Variants in CFDP1 observed in about 807,000 individuals in gnomAD.
CFDP1 encodes the protein heterochromatin-stabilizing protein CFDP1.
A neutral mutation model predicts 40.1 loss-of-function variants in CFDP1; 31 were observed. That is an observed-to-expected ratio of 0.77 (90% CI 0.58 to 1.04). CFDP1 has a LOEUF of 1.04. Among genes scored for constraint, CFDP1 ranks in the 50% least tolerant of loss-of-function variants. CFDP1 has a pLI of 0.00. For missense variants in CFDP1, 423 were observed against 343.4 expected, an observed-to-expected ratio of 1.23 and a Z score of -1.83; for synonymous variants, 167 against 120.0, an observed-to-expected ratio of 1.39 and a Z score of -2.56.
At chr16:75,349,666 A>T (rs1011078022) in intron 5 of CFDP1, among the ~76,000 whole-genome samples, 26 of 13,680 alleles carry the variant, frequency 1.9e-3, no homozygotes, top group East Asian at 4.7e-3. Context: ...AAAAAAAAAA[A>T]AAAAAAAAAA....
At chr16:75,343,072 A>T (rs748426197) in intron 5 of CFDP1, among the ~76,000 whole-genome samples, 3 of 152,126 alleles carry the variant, frequency 2.0e-5, no homozygotes, top group Non-Finnish European at 2.9e-5. Flanking sequence ...AACTAGATTT[A>T]AGGTCAGGAC....
At chr16:75,429,631 C>G (rs572708496) in intron 1 of CFDP1, among the ~76,000 whole-genome samples, 2 of 152,080 alleles carry the variant, frequency 1.3e-5, no homozygotes, top group Non-Finnish European at 2.9e-5. Flanking sequence ...CCAGCCTGGG[C>G]GACAAGAGCA....
intron 5 of CFDP1, among the ~76,000 whole-genome samples, chr16:75,317,476 A>C (rs375624139): frequency 6.6e-6 from 1 of 152,310 alleles, no homozygotes; most frequent in Non-Finnish European, 1.5e-5. Context: ...CCAAGGAGGA[A>C]ATGTTGAGTG....
chr16:75,423,863 C>G lies in CFDP1; in HGVS notation c.65-9168G>C, dbSNP rs367793691. 1.3e-4 allele frequency among the ~76,000 whole-genome samples: 20 copies of G among 152,224 alleles called. 3 individuals carry two copies. The highest frequency in any genetic ancestry group is 6.5e-4 in the Admixed American group (10 of 15,272). On this transcript the variant is annotated intron_variant, in intron 1 of 6. Transcript: ENST00000283882. ...TACAGGCGTGAGCAACTGCACCCAG[C>G]CTTTTTCCAAATATTTTCTATCTGC...
At chr16:75,415,986 G>T (rs958181623) in intron 1 of CFDP1, among the ~76,000 whole-genome samples, 3 of 152,066 alleles carry the variant, frequency 2.0e-5, no homozygotes, top group Non-Finnish European at 2.9e-5. Context: ...CTGAGTAGCT[G>T]ACATTACAGA....
intron 3 of CFDP1, among the ~76,000 whole-genome samples, 183 bp downstream of exon 3, chr16:75,412,352 G>A (rs2151585963): frequency 6.6e-6 from 1 of 152,290 alleles, no homozygotes; most frequent in Non-Finnish European, 1.5e-5. Context: ...TCTCTAACCA[G>A]TTAAAGGCCT....
At chr16:75,310,170 G>C (rs904968220) in intron 5 of CFDP1, among the ~76,000 whole-genome samples, 1 of 152,166 alleles carries the variant, frequency 6.6e-6, no homozygotes, top group African/African-American at 2.4e-5. Flanking sequence ...CCATAAATTT[G>C]ATGTAAAGAC....
rs867155661 is a variant in CFDP1, at chr16:75,302,933, C to T, written c.809+2091G>A. The stretch of plus-strand genomic sequence containing the variant: ...TTTTAGGGCTGGGCGTGGTGGCTCA[C>T]ACCTGTAATCCCAGAACTTTGGGAG... On this transcript the variant is annotated intron_variant, in intron 6 of 6. Coordinates refer to ENST00000283882, the MANE Select transcript of CFDP1 (RefSeq NM_006324.3). Among the ~76,000 whole-genome samples the T allele has an allele frequency of 4.6e-5, 7 of 152,296 alleles. No individual in the cohort carries two copies. The South Asian group carries it at 1.5e-3, about 32-fold the overall frequency.
chr16:75,426,800 C>T (rs1001204726), intron 1 of CFDP1, among the ~76,000 whole-genome samples: 1 of 151,908 alleles, frequency 6.6e-6, no homozygotes, highest in Non-Finnish European at 1.5e-5. Flanking sequence ...CAGGCCTGTA[C>T]TCCCAGCACT....
intron 5 of CFDP1, among the ~76,000 whole-genome samples, chr16:75,312,267 A>G (rs770617082): frequency 3.3e-5 from 5 of 152,208 alleles, no homozygotes; most frequent in Admixed American, 1.3e-4. Context: ...CTGTATTGAC[A>G]GTACTCTATG....
intron 1 of CFDP1, among the ~76,000 whole-genome samples, chr16:75,432,488 T>G (rs1597416940): frequency 6.6e-6 from 1 of 151,566 alleles, no homozygotes; most frequent in Non-Finnish European, 1.5e-5. Context: ...GAGTCTGAGG[T>G]TGCAGTGAGC....
chr16:75,371,658 C>T (rs1184785463), intron 5 of CFDP1, among the ~76,000 whole-genome samples: 3 of 152,042 alleles, frequency 2.0e-5, no homozygotes, highest in Non-Finnish European at 4.4e-5. Flanking sequence ...ATCTCTTGGT[C>T]TTTTCTGAGA....
intron 5 of CFDP1, among the ~76,000 whole-genome samples, chr16:75,377,485 T>C (rs2151544697): frequency 6.6e-6 from 1 of 152,346 alleles, no homozygotes; most frequent in African/African-American, 2.4e-5. Context: ...CTCAACTCTT[T>C]CTTGAATATT....
intron 5 of CFDP1, among the ~76,000 whole-genome samples, chr16:75,330,458 G>A (rs1001534455): frequency 4.6e-5 from 7 of 152,122 alleles, no homozygotes; most frequent in African/African-American, 1.7e-4. Context: ...GCGTGGTGGC[G>A]CATGCCTGTA....
intron 5 of CFDP1, among the ~76,000 whole-genome samples, chr16:75,374,289 A>G (rs1333359566): frequency 6.6e-6 from 1 of 152,194 alleles, no homozygotes; most frequent in Non-Finnish European, 1.5e-5. Flanking sequence ...ACACTATACT[A>G]GCCATTAACA....
intron 4 of CFDP1, among the ~76,000 whole-genome samples, chr16:75,410,326 T>A (rs2079148395): frequency 6.6e-6 from 1 of 152,104 alleles, no homozygotes; most frequent in African/African-American, 2.4e-5. Flanking sequence ...TATTTTCACA[T>A]AATAAAATTG....
intron 5 of CFDP1, among the ~76,000 whole-genome samples, chr16:75,392,129 G>C (rs1410426049): frequency 5.9e-5 from 9 of 152,086 alleles, no homozygotes; most frequent in Admixed American, 1.3e-4. Context: ...TTGTTGGATG[G>C]GTGCAGTGGC....
chr16:75,305,078 T>G lies in CFDP1; in HGVS notation c.755A>C (p.Lys252Thr), dbSNP rs748272326. The change falls in exon 6 of 7, where the codon AAG (lysine) becomes ACG (threonine). Residue 252 changes from lysine to threonine, a missense_variant. By Grantham distance (78) the Lys-to-Thr change is moderately conservative. Transcript: ENST00000283882. Reference sequence around the variant, plus strand: ...TTCTTCACCAATCCCCTCTTCCTCCTTGAAGCTCTCCCAGTCCAGTTTGGA... The same window carrying G: ...TTCTTCACCAATCCCCTCTTCCTCCGTGAAGCTCTCCCAGTCCAGTTTGGA... Reference protein sequence around the residue: ...EKSKLDWESFKEEEGIGEELA... With the variant: ...EKSKLDWESFTEEEGIGEELA... 3.1e-6 allele frequency: 5 copies of G among 1,614,180 alleles called. No individual in the cohort carries two copies. Among genetic ancestry groups the G allele is most frequent in the South Asian group, 1.1e-5 (1 of 91,082 alleles).
rs542444380 is a variant in CFDP1 at position 75,325,620 on chromosome 16, G to A, written c.651-20438C>T. On this transcript the variant is annotated intron_variant, in intron 5 of 6. Transcript: ENST00000283882. Reference sequence around the variant, plus strand: ...GTGGAAACTCCACAAGGGCTGGAACGAATGTCTATTTTGTTCACTGATATA... The same window carrying A: ...GTGGAAACTCCACAAGGGCTGGAACAAATGTCTATTTTGTTCACTGATATA... 2.6e-5 allele frequency among the ~76,000 whole-genome samples: 4 copies of A among 152,294 alleles called. No homozygotes were observed. The East Asian group carries it at 5.8e-4, about 22-fold the overall frequency.
Sources: gnomAD v4.1 joint callset for allele counts (sites outside exome capture counted in the v4.1 genomes callset) on GRCh38, gnomAD v4.1.1 for gene constraint, MANE v1.5 for transcripts, NCBI Gene and HGNC (gene_info 2026-07-23, HGNC 2026-07-21) for gene names.